Variants in CABIN1 observed in about 807,000 individuals in gnomAD.
CABIN1 encodes calcineurin-binding protein cabin-1.
In CABIN1, 133 loss-of-function variants were observed where a neutral mutation model predicts 227.7. The ratio of observed to expected loss-of-function variants is 0.58; its 90% CI spans 0.51 to 0.67. The LOEUF (loss-of-function observed/expected upper bound fraction) is 0.67, where lower values mean the gene tolerates loss of function less well. Among genes scored for constraint, CABIN1 ranks in the 30% least tolerant of loss-of-function variants. The pLI is 0.00. For synonymous variants in CABIN1, 1,086 were observed against 1,155.1 expected, an observed-to-expected ratio of 0.94 and a Z score of 1.21; for missense variants, 2,408 against 2,852.5, an observed-to-expected ratio of 0.84 and a Z score of 3.55.
chr22:24,134,374 CAG>C lies in CABIN1; in HGVS notation c.4706_4707del (p.Gln1569ArgfsTer24), dbSNP rs1429277378. 173 of 1,614,058 alleles carry C rather than the reference CAG, an allele frequency of 1.1e-4. No homozygotes were observed. The highest frequency in any genetic ancestry group is 1.4e-4 in the Non-Finnish European group (162 of 1,180,010). ...GCAACAACTGCAGCACATGCCGGCA[CAG>C]GGGCTCTTCTGCGAGAGGAACAAGA... is the stretch of plus-strand genomic sequence containing the variant. ...PWQQLQHMPA[Q>X]GLFCERNKTN... is the part of the protein sequence containing the mutation. On this transcript the variant is annotated frameshift_variant, in exon 29 of 37. Coordinates refer to ENST00000263119, the MANE Select transcript of CABIN1 (RefSeq NM_012295.4). LOFTEE classifies it high-confidence loss of function.
chr22:24,153,341 C>G (rs1037748628), intron 29 of CABIN1, among the ~76,000 whole-genome samples: 2 of 152,304 alleles, frequency 1.3e-5, no homozygotes, highest in Middle Eastern at 3.4e-3. Context: ...AAGCAGTTCT[C>G]TCTCTGGGGC....
At chr22:24,023,292 A>G (rs112899427) in intron 1 of CABIN1, among the ~76,000 whole-genome samples, 4,114 of 152,182 alleles carry the variant, frequency 0.027, 69 homozygotes, top group Non-Finnish European at 0.043. Flanking sequence ...TTATCCATCT[A>G]TTGGTGGACA....
intron 6 of CABIN1, among the ~76,000 whole-genome samples, chr22:24,046,529 ACTT>A (rs2037896530): frequency 6.6e-6 from 1 of 151,894 alleles, no homozygotes. Flanking sequence ...TCCTCAACTG[ACTT>A]CTTTAGTTCT....
chr22:24,099,827 A>C (rs2042103234), intron 26 of CABIN1, among the ~76,000 whole-genome samples: 2 of 152,200 alleles, frequency 1.3e-5, no homozygotes, highest in Non-Finnish European at 2.9e-5. Flanking sequence ...GCAGCTCTGC[A>C]GGCTCCCACT....
chr22:24,115,774 G>T (rs2043048272), intron 27 of CABIN1, among the ~76,000 whole-genome samples: 1 of 152,202 alleles, frequency 6.6e-6, no homozygotes, highest in African/African-American at 2.4e-5. Context: ...TTGAGTGCGG[G>T]CCCCAAGTGT....
chr22:24,098,905 A>G (rs969894722), intron 26 of CABIN1, among the ~76,000 whole-genome samples: 3 of 152,164 alleles, frequency 2.0e-5, no homozygotes, highest in South Asian at 2.1e-4. Flanking sequence ...GGAGGTAGTG[A>G]CAATGCTGAA....
intron 29 of CABIN1, among the ~76,000 whole-genome samples, chr22:24,151,589 G>A (rs565360818): frequency 4.6e-5 from 7 of 152,244 alleles, no homozygotes; most frequent in African/African-American, 1.7e-4. Flanking sequence ...CAGCAAGGTG[G>A]GGGTGGGGCT....
At chr22:24,083,564 T>G (rs1041619692) in intron 20 of CABIN1, among the ~76,000 whole-genome samples, 175 bp downstream of exon 20, 2 of 152,208 alleles carry the variant, frequency 1.3e-5, no homozygotes, top group Non-Finnish European at 2.9e-5. Flanking sequence ...TTGCAAAAAC[T>G]TATTTTCATA....
intron 29 of CABIN1, among the ~76,000 whole-genome samples, chr22:24,157,567 G>A (rs8140812): frequency 0.079 from 12,042 of 152,202 alleles, 528 homozygotes; most frequent in South Asian, 0.11. Context: ...GTGAAATCAT[G>A]TGTTAAAGGA....
rs2039721039 is a variant in CABIN1, at chr22:24,066,892, C to G, written c.2038-95C>G. On this transcript the variant is annotated intron_variant, in intron 15 of 36. Transcript: ENST00000263119. ...GGAACATAGTCTAATTTTTATTCTC[C>G]TCATCCAAGTCTGATAAAAACAAAC... 10 of 1,187,910 alleles carry G rather than the reference C, an allele frequency of 8.4e-6. 1 individual carries two copies. In the South Asian group the frequency reaches 1.3e-4, roughly 15 times the overall value. 73.6% of individuals were successfully genotyped at this position (1,187,910 alleles called of 1,614,324 possible).
intron 29 of CABIN1, among the ~76,000 whole-genome samples, chr22:24,134,832 C>A (rs2044292863): frequency 6.6e-6 from 1 of 152,236 alleles, no homozygotes; most frequent in Non-Finnish European, 1.5e-5. Context: ...AGTCCCAGCA[C>A]TTTTGGAGGC....
intron 1 of CABIN1, among the ~76,000 whole-genome samples, chr22:24,020,839 TG>T (rs2035668974): frequency 0.088 from 8,632 of 98,540 alleles, 278 homozygotes; most frequent in South Asian, 0.15. Context: ...GCAGTTTTTG[TG>T]TGTGTGTGTG....
intron 27 of CABIN1, among the ~76,000 whole-genome samples, chr22:24,115,265 C>T (rs1294336198): frequency 6.6e-6 from 1 of 152,088 alleles, no homozygotes; most frequent in Admixed American, 6.6e-5. Flanking sequence ...GTTGGGGGAA[C>T]GAAGCAGAGA....
chr22:24,043,132 A>G, intron 6 of CABIN1, 48 bp downstream of exon 6: 1 of 1,582,712 alleles, frequency 6.3e-7, no homozygotes, highest in Non-Finnish European at 8.7e-7. Context: ...GGTTTTTGGA[A>G]CAGCAGAGGA....
chr22:24,105,024 T>A (rs561807748), intron 26 of CABIN1, among the ~76,000 whole-genome samples: 4 of 152,206 alleles, frequency 2.6e-5, no homozygotes, highest in African/African-American at 4.8e-5. Flanking sequence ...CACTGGAAAG[T>A]TGCATCTTGT....
In CABIN1 at chr22:24,070,907, G is replaced by A. The variant is rs2040038456; in HGVS notation, c.2340G>A (p.Lys780=). 1 of 1,614,260 alleles carries A rather than the reference G, an allele frequency of 6.2e-7. No individual in the cohort carries two copies. The highest frequency in any genetic ancestry group is 1.1e-5 in the South Asian group (1 of 91,088). Residue 780 remains lysine (K), a synonymous_variant, in exon 17 of 37, where the codon AAG becomes AAA. Coordinates refer to ENST00000263119, the MANE Select transcript of CABIN1 (RefSeq NM_012295.4). ...TGAACTCAGGTGAGGCTGCCGCCAA[G>A]GAGGAGTGGGTGGCCACAGTGACCC... ...QMVNSGEAAA[K]EEWVATVTQL...
chr22:24,023,662 T>C (rs1167681121), intron 1 of CABIN1, among the ~76,000 whole-genome samples: 1 of 152,208 alleles, frequency 6.6e-6, no homozygotes, highest in Non-Finnish European at 1.5e-5. Context: ...TACAATTCCC[T>C]GATAAGCATC....
intron 33 of CABIN1, among the ~76,000 whole-genome samples, chr22:24,169,524 T>C (rs1768631805): frequency 6.6e-6 from 1 of 151,702 alleles, no homozygotes; most frequent in Admixed American, 6.6e-5. Flanking sequence ...CTGTGGGGAG[T>C]AGGTGGGCCT....
intron 29 of CABIN1, chr22:24,155,960 C>A: frequency 1.9e-6 from 1 of 524,056 alleles, no homozygotes; most frequent in South Asian, 2.5e-5. Context: ...GGCGCCCCGT[C>A]CGGCCGCGCC....
Sources: gnomAD v4.1 joint callset for allele counts (sites outside exome capture counted in the v4.1 genomes callset) on GRCh38, gnomAD v4.1.1 for gene constraint, MANE v1.5 for transcripts, NCBI Gene and HGNC (gene_info 2026-07-23, HGNC 2026-07-21) for gene names.